PRODH2: variants seen among roughly 807,000 people sequenced by gnomAD.
PRODH2 encodes proline dehydrogenase 2.
Under a neutral mutation model 51.9 loss-of-function variants are expected in PRODH2, and 49 were observed. The ratio of observed to expected loss-of-function variants is 0.94; its 90% CI spans 0.75 to 1.20. The LOEUF (loss-of-function observed/expected upper bound fraction) is 1.20. PRODH2 is among the 50% of genes most tolerant of loss of function. PRODH2 has a pLI of 0.00. For missense variants in PRODH2, 597 were observed against 610.9 expected (o/e 0.98, Z 0.24); for synonymous variants, 249 against 260.7 (o/e 0.96, Z 0.43).
chr19:35,812,725 C>T lies in PRODH2; in HGVS notation c.81G>A (p.Gly27=). 1.2e-6 allele frequency: 2 copies of T among 1,611,648 alleles called. No homozygotes were observed. Among genetic ancestry groups the T allele is most frequent in the Admixed American group, 1.7e-5 (1 of 59,728 alleles). ...RGWQSLSFDG[G]AFHLKGTGEL... ...CTCCTGTGCCCTTAAGGTGGAAGGC[C>T]CCGCCATCAAAGCTCAGGGACTGCC... Residue 27 remains glycine (G), a synonymous_variant, in exon 1 of 10, where the codon GGG becomes GGA. Transcript: ENST00000653904.
chr19:35,811,982 C>G lies in PRODH2; in HGVS notation c.577G>C (p.Glu193Gln). 6.2e-7 allele frequency: 1 copy of G among 1,614,142 alleles called. No individual in the cohort carries two copies. Among genetic ancestry groups the G allele is most frequent in the Non-Finnish European group, 8.5e-7 (1 of 1,179,972 alleles). Reference sequence around the variant, plus strand: ...CTTACCTGCCCAGAGTCCATAGCTTCAGCCAGCCTCTCGGGGCTCAGCTCC... The same window carrying G: ...CTTACCTGCCCAGAGTCCATAGCTTGAGCCAGCCTCTCGGGGCTCAGCTCC... ...SLELSPERLA[E>Q]AMDSGQNLQV... is the part of the protein sequence containing the mutation. The change falls in exon 4 of 10, where the codon GAA (glutamate) becomes CAA (glutamine). Residue 193 changes from glutamate (E) to glutamine (Q), a missense_variant. By Grantham distance (29) the Glu-to-Gln change is conservative. Transcript: ENST00000653904.
At position 35,811,892 on chromosome 19, in the gene PRODH2, C is replaced by T; in HGVS notation, c.597+70G>A. The T allele has an allele frequency of 2.7e-6, 4 of 1,456,730 alleles. No homozygotes were observed. In the East Asian group the frequency reaches 6.9e-5, roughly 25 times the overall value. The allele number at this position is 1,456,730 out of a possible 1,614,324, so 90.2% of individuals were successfully genotyped here. ...GAGGTGGCCGTAGCATTTTGAACAT[C>T]TGGCGTGCGGTGTGGCCGCATCTAA... On this transcript the variant is annotated intron_variant, in intron 4 of 9. Transcript: ENST00000653904.
In PRODH2 at chr19:35,802,219, G is replaced by A; in HGVS notation, c.1170C>T (p.Gly390=). ...DGTVCFGQLL[G]MCDHVSLALG... is the part of the protein sequence containing the mutation. Reference sequence around the variant, plus strand: ...GTGCTAGAGAGACGTGGTCACACATGCCCAGAAGTTGTCCGAAACAGACAG... The same window carrying A: ...GTGCTAGAGAGACGTGGTCACACATACCCAGAAGTTGTCCGAAACAGACAG... The change falls in exon 9 of 10, where the codon GGC becomes GGT. Residue 390 remains glycine (G), a synonymous_variant. Transcript: ENST00000653904. 2 of 1,614,116 alleles carry A rather than the reference G, an allele frequency of 1.2e-6. No homozygotes were observed. The highest frequency in any genetic ancestry group is 1.7e-6 in the Non-Finnish European group (2 of 1,180,022).
chr19:35,809,817 G>T (rs1424066867), intron 4 of PRODH2, among the ~76,000 whole-genome samples: 1 of 151,464 alleles, frequency 6.6e-6, no homozygotes, highest in African/African-American at 2.4e-5. Context: ...AACTTAGCTG[G>T]GTGTGGTGGT....
At chr19:35,810,290 T>A (rs931303206) in intron 4 of PRODH2, among the ~76,000 whole-genome samples, 8 of 137,986 alleles carry the variant, frequency 5.8e-5, no homozygotes, top group East Asian at 2.1e-4. Context: ...ATAATAATAA[T>A]AAATAAATAG....
chr19:35,807,525 A>T (rs1972534294), intron 4 of PRODH2, among the ~76,000 whole-genome samples: 1 of 150,818 alleles, frequency 6.6e-6, no homozygotes, highest in Admixed American at 6.6e-5. Context: ...CTGGTCTCGA[A>T]CTCCTGACCT....
Position 35,808,133 on chromosome 19 carries a change from C to T in PRODH2, c.598-1012G>A, listed in dbSNP as rs372160392. Among the ~76,000 whole-genome samples, 28 of 152,316 alleles carry T rather than the reference C, an allele frequency of 1.8e-4. No individual in the cohort carries two copies. In the East Asian group the frequency reaches 2.7e-3, roughly 15 times the overall value. On this transcript the variant is annotated intron_variant, in intron 4 of 9. Transcript: ENST00000653904. ...CAGGGATTTTGCCTTCATGCTTCCTCGGCCCCTAGCACCGTGTCTGGAACA... is the reference window on the plus strand; with the variant it reads ...CAGGGATTTTGCCTTCATGCTTCCTTGGCCCCTAGCACCGTGTCTGGAACA...
At chr19:35,807,816 C>T (rs954830349) in intron 4 of PRODH2, among the ~76,000 whole-genome samples, 4 of 152,066 alleles carry the variant, frequency 2.6e-5, no homozygotes, top group Admixed American at 2.6e-4. Flanking sequence ...TGCTGTGTTG[C>T]CCAGGCTGGA....
intron 4 of PRODH2, among the ~76,000 whole-genome samples, chr19:35,807,868 C>G (rs756773777): frequency 6.6e-6 from 1 of 152,040 alleles, no homozygotes; most frequent in Non-Finnish European, 1.5e-5. Flanking sequence ...CTCCACCTCC[C>G]CAGCTCAAGC....
At position 35,806,559 on chromosome 19, in the gene PRODH2, G is replaced by A. The variant is rs753504370; in HGVS notation, c.872C>T (p.Ala291Val). ...FERLGRDAEA[A>V]HRAGLAFGVK... ...TCCGAAGGCCAGGCCGGCCCTGTGC[G>A]CAGCCTCTGCATCCCTCCCCAGCCG... Residue 291 changes from alanine to valine, a missense_variant, in exon 7 of 10, where the codon GCG becomes GTG. Ala to Val is a moderately conservative substitution (Grantham distance 64, BLOSUM62 0). Transcript: ENST00000653904. The A allele has an allele frequency of 1.9e-5, 31 of 1,613,938 alleles. No homozygotes were observed. The highest frequency in any genetic ancestry group is 4.0e-5 in the African/African-American group (3 of 74,920).
Position 35,803,064 on chromosome 19 carries a change from A to C in PRODH2, c.1016T>G (p.Leu339Arg). 1 of 1,544,572 alleles carries C rather than the reference A, an allele frequency of 6.5e-7. No individual in the cohort carries two copies. The highest frequency in any genetic ancestry group is 8.8e-7 in the Non-Finnish European group (1 of 1,137,600). Residue 339 changes from leucine (L) to arginine (R), a missense_variant, in exon 8 of 10, where the codon CTG becomes CGG. By Grantham distance (102) the Leu-to-Arg change is moderately radical (BLOSUM62 -2). Coordinates refer to ENST00000653904, the MANE Select transcript of PRODH2 (RefSeq NM_021232.2). ...GGCCACGTGCGTCAGCATCAGTTCCAGGCAGCGGCTGTAACTGAAGGGAGA... is the reference window on the plus strand; with the variant it reads ...GGCCACGTGCGTCAGCATCAGTTCCCGGCAGCGGCTGTAACTGAAGGGAGA... The part of the protein sequence containing the change: ...EATSQSYSRC[L>R]ELMLTHVARH...
In PRODH2 at chr19:35,807,136, G is replaced by A; in HGVS notation, c.598-15C>T. On this transcript the variant is annotated splice_polypyrimidine_tract_variant and intron_variant, in intron 4 of 9. Coordinates refer to ENST00000653904, the MANE Select transcript of PRODH2 (RefSeq NM_021232.2). ...ACCTGGAGGTTCTAGGGGGCAGCAGGGGAAGTGGGGAAAAGCTTATAAGTT... is the reference window on the plus strand; with the variant it reads ...ACCTGGAGGTTCTAGGGGGCAGCAGAGGAAGTGGGGAAAAGCTTATAAGTT... 1 of 1,535,008 alleles carries A rather than the reference G, an allele frequency of 6.5e-7. No homozygotes were observed. The highest frequency in any genetic ancestry group is 8.8e-7 in the Non-Finnish European group (1 of 1,132,218).
rs1972526072 is a variant in PRODH2 at position 35,807,063 on chromosome 19, C to T, written c.656G>A (p.Ser219Asn). The change falls in exon 5 of 10, where the codon AGC (serine) becomes AAC (asparagine). Residue 219 changes from serine (S) to asparagine (N), a missense_variant. Ser to Asn is a conservative substitution (Grantham distance 46). Coordinates refer to ENST00000653904, the MANE Select transcript of PRODH2 (RefSeq NM_021232.2). Reference sequence around the variant, plus strand: ...TACCTGTGCCACCCGATGCAGGCGGCTGAGGGAGGCCCGGAGGTGCTGGTT... The same window carrying T: ...TACCTGTGCCACCCGATGCAGGCGGTTGAGGGAGGCCCGGAGGTGCTGGTT... ...EQNQHLRASL[S>N]RLHRVAQYAR... 1.1e-5 allele frequency: 17 copies of T among 1,552,234 alleles called. No homozygotes were observed. Among genetic ancestry groups the T allele is most frequent in the Non-Finnish European group, 1.5e-5 (17 of 1,147,738 alleles).
chr19:35,811,333 G>T (rs1972604986), intron 4 of PRODH2, among the ~76,000 whole-genome samples: 1 of 151,136 alleles, frequency 6.6e-6, no homozygotes, highest in Non-Finnish European at 1.5e-5. Context: ...CTGGGGGATT[G>T]CTTGAGGCCA....
chr19:35,802,419 G>A (rs778480864), intron 8 of PRODH2, 143 bp from the exon 9 acceptor site: 33 of 755,062 alleles, frequency 4.4e-5, no homozygotes, highest in Non-Finnish European at 7.0e-5. Context: ...CCAGTCCTTT[G>A]CATTCCTTGA....
chr19:35,801,861 G>A (rs898495278), intron 9 of PRODH2: 1 of 286,112 alleles, frequency 3.5e-6, no homozygotes, highest in African/African-American at 2.1e-5. Flanking sequence ...GGTGTTTCAA[G>A]AAACCTCAAG....
rs148094728 is a variant in PRODH2, at chr19:35,805,427, C to T, written c.1001+1003G>A. Among the ~76,000 whole-genome samples the T allele has an allele frequency of 2.7e-3, 407 of 151,894 alleles. 3 individuals carry two copies. Among genetic ancestry groups the T allele is most frequent in the African/African-American group, 9.4e-3 (390 of 41,418 alleles). On this transcript the variant is annotated intron_variant, in intron 7 of 9. Coordinates refer to ENST00000653904, the MANE Select transcript of PRODH2 (RefSeq NM_021232.2). ...GATTACCAGTGCAAGCCACCACACC[C>T]GGCTAATTTTTGTATTTTTAGTAGA... is the stretch of plus-strand genomic sequence containing the variant.
intron 7 of PRODH2, 52 bp downstream of exon 7, chr19:35,806,378 C>T (rs372126169): frequency 1.7e-4 from 266 of 1,605,468 alleles, no homozygotes; most frequent in Non-Finnish European, 2.2e-4. Flanking sequence ...GCCACTGCAC[C>T]CAACCACTAG....
chr19:35,811,386 A>AAGAG (rs143049724), intron 4 of PRODH2, among the ~76,000 whole-genome samples: 5 of 135,446 alleles, frequency 3.7e-5, no homozygotes, highest in Admixed American at 7.6e-5. Context: ...GACAAAGAGA[A>AAGAG]AGAGAGAGAG....
Sources: gnomAD v4.1 joint callset for allele counts (sites outside exome capture counted in the v4.1 genomes callset) on GRCh38, gnomAD v4.1.1 for gene constraint, MANE v1.5 for transcripts, NCBI Gene and HGNC (gene_info 2026-07-23, HGNC 2026-07-21) for gene names.